The following SLC4A8 variants were observed in gnomAD, a reference collection of about 807,000 sequenced individuals.
The protein encoded by SLC4A8 is electroneutral sodium bicarbonate exchanger 1.
In SLC4A8, 40 loss-of-function variants were observed where a neutral mutation model predicts 125.0. The ratio of observed to expected loss-of-function variants is 0.32; its 90% CI spans 0.25 to 0.42. The LOEUF is 0.42. Ranked by LOEUF, SLC4A8 falls within the 10% of genes least tolerant of loss-of-function variation. The pLI is 1.00. For synonymous variants in SLC4A8, 456 were observed against 476.0 expected (o/e 0.96, Z 0.55); for missense variants, 863 against 1,355.1 (o/e 0.64, Z 5.70).
rs774026429 is a variant in SLC4A8 at position 51,471,471 on chromosome 12, C to G, written c.1843C>G (p.His615Asp). 2 of 1,614,188 alleles carry G rather than the reference C, an allele frequency of 1.2e-6. No homozygotes were observed. The highest frequency in any genetic ancestry group is 1.7e-6 in the Non-Finnish European group (2 of 1,180,016). The change falls in exon 14 of 25, where the codon CAC becomes GAC. Residue 615 changes from histidine to aspartate, a missense_variant. His to Asp is a moderately conservative substitution (Grantham distance 81). This residue lies in a region of SLC4A8 where 76 missense variants were observed against 80.2 expected (regional missense o/e 0.95). Transcript: ENST00000453097. The stretch of plus-strand genomic sequence containing the variant: ...CTATGAAGCAATAGAAAAACTGATT[C>G]ACCTGGCAGAGACCTACCCCATCCA... ...FIYEAIEKLI[H>D]LAETYPIHMH... is the part of the protein sequence containing the mutation.
At chr12:51,399,278 T>C (rs1948324467) in intron 1 of SLC4A8, among the ~76,000 whole-genome samples, 1 of 152,178 alleles carries the variant, frequency 6.6e-6, no homozygotes, top group African/African-American at 2.4e-5. Context: ...GATATGTGCA[T>C]ATGGCAAAAA....
At chr12:51,442,983 C>CA (rs200816939) in intron 2 of SLC4A8, among the ~76,000 whole-genome samples, 2,009 of 151,934 alleles carry the variant, frequency 0.013, 26 homozygotes, top group Admixed American at 0.022. Flanking sequence ...TCTGTGGCTG[C>CA]AAAAAAAATC....
intron 22 of SLC4A8, among the ~76,000 whole-genome samples, chr12:51,502,743 C>G (rs555787065): frequency 1.3e-5 from 2 of 149,282 alleles, no homozygotes; most frequent in African/African-American, 4.9e-5. Context: ...TGATCTCGGC[C>G]GACTGCAACC....
intron 16 of SLC4A8, 95 bp from the exon 17 acceptor site, chr12:51,485,692 A>G: frequency 3.0e-6 from 2 of 655,998 alleles, no homozygotes; most frequent in East Asian, 5.2e-5. Flanking sequence ...AGATGAAAAC[A>G]TTCTTCTGAG....
At chr12:51,483,392 T>C (rs1468741178) in intron 16 of SLC4A8, among the ~76,000 whole-genome samples, 1 of 149,816 alleles carries the variant, frequency 6.7e-6, no homozygotes, top group Non-Finnish European at 1.5e-5. Flanking sequence ...GAAAGGGAGC[T>C]CAAATCAGGA....
chr12:51,453,824 C>G, intron 5 of SLC4A8, 125 bp downstream of exon 5: 2 of 732,600 alleles, frequency 2.7e-6, no homozygotes, highest in Non-Finnish European at 2.1e-6. Flanking sequence ...CACAACCTTC[C>G]TGGCCTCAAT....
chr12:51,474,676 C>T (rs919111949), intron 15 of SLC4A8: 2 of 694,440 alleles, frequency 2.9e-6, no homozygotes, highest in East Asian at 2.8e-5. Context: ...ACCCAGTGAC[C>T]CTGCACTAAG....
chr12:51,491,876 A>G (rs975158562), intron 19 of SLC4A8, among the ~76,000 whole-genome samples: 4 of 152,036 alleles, frequency 2.6e-5, no homozygotes, highest in African/African-American at 9.7e-5. Context: ...GAACTTTTTT[A>G]CTGACCAGTG....
chr12:51,507,914 G>C lies in SLC4A8; in HGVS notation c.*476G>C, dbSNP rs7309358. On this transcript the variant is annotated 3_prime_UTR_variant, in exon 25 of 25. Transcript: ENST00000453097. ...TCTCCAGTGCTCTTAGTGTCTACAG[G>C]CTCCTAGGCAGCCCTGGGCCTTGGT... The C allele has an allele frequency of 0.41, 62,390 of 152,444 alleles. 13,117 individuals are homozygous for C. Among genetic ancestry groups the C allele is most frequent in the Non-Finnish European group, 0.45 (30,727 of 68,232 alleles). 9.4% of individuals were successfully genotyped at this position (152,444 alleles called of 1,614,324 possible). A position where few individuals can be genotyped will look rare whatever the true frequency, so the allele number is the denominator to read the frequency against.
intron 1 of SLC4A8, among the ~76,000 whole-genome samples, chr12:51,412,398 C>T (rs528113293): frequency 6.6e-6 from 1 of 152,188 alleles, no homozygotes; most frequent in East Asian, 1.9e-4. Flanking sequence ...TTAGGATATC[C>T]ATTACCTTGA....
In SLC4A8 at chr12:51,474,342, C is replaced by G; in HGVS notation, c.1905C>G (p.Tyr635Ter). ...GAATCTTTTTAATTTTTCCCCTCAG[C>G]TGCAGGTGTACTCTGCCAGAGAATC... is the stretch of plus-strand genomic sequence containing the variant. Reference protein sequence around the residue: ...HSQLDHLSLYYCRCTLPENPN... With the variant: ...HSQLDHLSLY Residue 635 changes from tyrosine (Y) to a stop codon, truncating the protein, a stop_gained and splice_region_variant, in exon 15 of 25, where the codon TAC becomes TAG. Transcript: ENST00000453097. LOFTEE classifies it high-confidence loss of function. 6.4e-7 allele frequency: 1 copy of G among 1,560,324 alleles called. No individual in the cohort carries two copies. The highest frequency in any genetic ancestry group is 8.8e-7 in the Non-Finnish European group (1 of 1,137,708).
chr12:51,419,120 C>T (rs1948738380), intron 1 of SLC4A8, among the ~76,000 whole-genome samples: 1 of 152,186 alleles, frequency 6.6e-6, no homozygotes, highest in African/African-American at 2.4e-5. Context: ...GGAAGCCATA[C>T]AATTAAGTAG....
intron 22 of SLC4A8, among the ~76,000 whole-genome samples, chr12:51,499,171 A>T (rs1937727194): frequency 6.6e-6 from 1 of 152,164 alleles, no homozygotes; most frequent in African/African-American, 2.4e-5. Flanking sequence ...AAAGAACAAG[A>T]CTTTGTCTCA....
chr12:51,425,143 C>A, intron 1 of SLC4A8, 108 bp downstream of exon 1: 1 of 1,458,138 alleles, frequency 6.9e-7, no homozygotes, highest in Admixed American at 2.3e-5. Flanking sequence ...CCAGGCCGCT[C>A]CCTGAGGGCG....
intron 2 of SLC4A8, among the ~76,000 whole-genome samples, chr12:51,449,365 C>T (rs1345524169): frequency 6.6e-6 from 1 of 151,630 alleles, no homozygotes; most frequent in Non-Finnish European, 1.5e-5. Flanking sequence ...TTCAAGGCTA[C>T]CATGAGTGGT....
rs377124300 is a variant in SLC4A8, at chr12:51,456,902, C to T, written c.575-449C>T. Among the ~76,000 whole-genome samples the T allele has an allele frequency of 5.9e-5, 9 of 152,162 alleles. No individual in the cohort carries two copies. The South Asian group carries it at 1.9e-3, about 32-fold the overall frequency. On this transcript the variant is annotated intron_variant, in intron 5 of 24. Coordinates refer to ENST00000453097, the MANE Select transcript of SLC4A8 (RefSeq NM_001039960.3). The stretch of plus-strand genomic sequence containing the variant: ...CCTTTGGAGTTCTACAGTTATAGTT[C>T]TTCTTGACAATTACAGCAATGTTAA...
chr12:51,434,053 G>A (rs1011673019), intron 1 of SLC4A8, among the ~76,000 whole-genome samples: 1 of 151,688 alleles, frequency 6.6e-6, no homozygotes, highest in Non-Finnish European at 1.5e-5. Flanking sequence ...TTTTGAATTT[G>A]TTGTAGGGAC....
chr12:51,461,571 A>T (rs1431994344), intron 9 of SLC4A8: 4 of 290,802 alleles, frequency 1.4e-5, no homozygotes, highest in Non-Finnish European at 2.0e-5. Flanking sequence ...AGAGAAATAT[A>T]TTAAGGTTGG....
In SLC4A8 at chr12:51,494,959, A is replaced by G. The variant is rs1034144907; in HGVS notation, c.2784A>G (p.Leu928=). The G allele has an allele frequency of 1.9e-6, 3 of 1,613,938 alleles. No individual in the cohort carries two copies. The highest frequency in any genetic ancestry group is 2.5e-6 in the Non-Finnish European group (3 of 1,179,942). The change falls in exon 21 of 25, where the codon CTA becomes CTG. Residue 928 remains leucine (L), a synonymous_variant. Transcript: ENST00000453097. ...SLQGIQFFDR[L]KLFGMPAKHQ... Reference sequence around the variant, plus strand: ...CTTCCTTTCAGTTCTTTGATCGTCTAAAGCTCTTTGGGATGCCCGCAAAGC... The same window carrying G: ...CTTCCTTTCAGTTCTTTGATCGTCTGAAGCTCTTTGGGATGCCCGCAAAGC...
Sources: allele counts gnomAD v4.1 joint callset (sites outside exome capture counted in the v4.1 genomes callset), GRCh38; gene constraint gnomAD v4.1.1; regional missense constraint gnomAD v4.1.1; transcripts MANE v1.5; gene names NCBI Gene and HGNC (gene_info 2026-07-23, HGNC 2026-07-21).